MAP3K7: variants seen among roughly 807,000 people sequenced by gnomAD.
MAP3K7 encodes the protein TGF-beta activated kinase 1.
Under a neutral mutation model 84.8 loss-of-function variants are expected in MAP3K7, and 21 were observed. The observed-to-expected ratio is 0.25, with a 90% confidence interval of 0.18 to 0.36. The LOEUF is 0.36. Ranked by LOEUF, MAP3K7 falls within the 10% of genes least tolerant of loss-of-function variation. The pLI, the probability that MAP3K7 is intolerant of heterozygous loss-of-function variation, is 1.00. For missense variants in MAP3K7, 503 were observed against 747.7 expected (o/e 0.67, Z 3.82); for synonymous variants, 241 against 247.7 (o/e 0.97, Z 0.25).
chr6:90,578,022 C>T (rs1777143970), intron 1 of MAP3K7, among the ~76,000 whole-genome samples: 1 of 152,082 alleles, frequency 6.6e-6, no homozygotes, highest in Admixed American at 6.5e-5. Flanking sequence ...AAAGGAAAAT[C>T]CTTATGGGGG....
intron 12 of MAP3K7, among the ~76,000 whole-genome samples, chr6:90,537,637 T>C (rs760217188): frequency 1.1e-4 from 17 of 152,136 alleles, no homozygotes; most frequent in Non-Finnish European, 1.8e-4. Flanking sequence ...TTATCTGAAT[T>C]CACATTTACT....
chr6:90,582,537 T>G (rs1451125415), intron 1 of MAP3K7, among the ~76,000 whole-genome samples: 2 of 152,200 alleles, frequency 1.3e-5, no homozygotes, highest in Admixed American at 6.5e-5. Context: ...TCTAAGGAAG[T>G]GTTAATAACA....
intron 9 of MAP3K7, among the ~76,000 whole-genome samples, chr6:90,548,595 AC>A (rs1776079375): frequency 6.6e-6 from 1 of 152,086 alleles, no homozygotes; most frequent in South Asian, 2.1e-4. Flanking sequence ...AAGATGGAAA[AC>A]ATTATGAGCC....
chr6:90,552,075 C>T lies in MAP3K7; in HGVS notation c.841G>A (p.Val281Met). The T allele has an allele frequency of 1.9e-6, 3 of 1,611,264 alleles. No homozygotes were observed. Among genetic ancestry groups the T allele is most frequent in the South Asian group, 1.1e-5 (1 of 90,808 alleles). The change falls in exon 8 of 17, where the codon GTG becomes ATG. Residue 281 changes from valine (V) to methionine (M), a missense_variant. Coordinates refer to ENST00000369329, the MANE Select transcript of MAP3K7 (RefSeq NM_145331.3). ...CGCATCAAGTGAGTCATTATTTTCACAATTTCCTCCATTGAAGGGCGCTGG... is the reference window on the plus strand; with the variant it reads ...CGCATCAAGTGAGTCATTATTTTCATAATTTCCTCCATTGAAGGGCGCTGG... ...PSQRPSMEEI[V>M]KIMTHLMRYF... is the part of the protein sequence containing the mutation.
chr6:90,523,602 TA>T, intron 14 of MAP3K7, 75 bp downstream of exon 14: 2 of 929,082 alleles, frequency 2.2e-6, no homozygotes, highest in Middle Eastern at 2.2e-4. Flanking sequence ...TTGTAAACAT[TA>T]GAGTAATGAC....
rs1030857727 is a variant in MAP3K7 at position 90,515,472 on chromosome 6, T to C, written c.*1029A>G. 4.6e-5 allele frequency: 7 copies of C among 151,990 alleles called. No individual in the cohort carries two copies. Among genetic ancestry groups the C allele is most frequent in the Non-Finnish European group, 8.8e-5 (6 of 67,900 alleles). The allele number at this position is 151,990 out of a possible 1,614,324, so 9.4% of individuals were successfully genotyped here. On this transcript the variant is annotated 3_prime_UTR_variant, in exon 17 of 17. Transcript: ENST00000369329. The stretch of plus-strand genomic sequence containing the variant: ...AAATCAAATATTCCAATATCCAGGA[T>C]AATTAGGACACTTGTTGAATTTATA...
At chr6:90,581,781 T>C (rs949748135) in intron 1 of MAP3K7, among the ~76,000 whole-genome samples, 2 of 152,220 alleles carry the variant, frequency 1.3e-5, no homozygotes, top group Admixed American at 6.5e-5. Flanking sequence ...CATAATTAAA[T>C]AGTGACTAAC....
Position 90,547,231 on chromosome 6 carries a change from C to T in MAP3K7, c.1210+27G>A. ...CCAAAAAGGCTTATATACATTTTCACTCTTCAGACTTGTAGTTCCTTTTTA... is the reference window on the plus strand; with the variant it reads ...CCAAAAAGGCTTATATACATTTTCATTCTTCAGACTTGTAGTTCCTTTTTA... On this transcript the variant is annotated intron_variant, in intron 11 of 16. Coordinates refer to ENST00000369329, the MANE Select transcript of MAP3K7 (RefSeq NM_145331.3). 3 of 1,612,210 alleles carry T rather than the reference C, an allele frequency of 1.9e-6. No homozygotes were observed. In the South Asian group the frequency reaches 3.3e-5, roughly 18 times the overall value.
chr6:90,526,348 T>C (rs1304261540), intron 13 of MAP3K7, among the ~76,000 whole-genome samples: 2 of 152,186 alleles, frequency 1.3e-5, no homozygotes, highest in Admixed American at 1.3e-4. Context: ...TACTAAGCTA[T>C]AAAGCAAATC....
intron 1 of MAP3K7, among the ~76,000 whole-genome samples, chr6:90,573,230 T>C (rs1486322041): frequency 2.0e-5 from 3 of 152,192 alleles, no homozygotes; most frequent in Admixed American, 6.5e-5. Flanking sequence ...TCCTAATTTG[T>C]AACATATATA....
chr6:90,546,123 G>A (rs970451004), intron 11 of MAP3K7, among the ~76,000 whole-genome samples: 1 of 152,122 alleles, frequency 6.6e-6, no homozygotes, highest in African/African-American at 2.4e-5. Context: ...TAATGCTTAT[G>A]TGTTATAGAC....
intron 1 of MAP3K7, among the ~76,000 whole-genome samples, chr6:90,578,251 A>G (rs1014936357): frequency 2.0e-5 from 3 of 152,168 alleles, no homozygotes; most frequent in African/African-American, 7.2e-5. Flanking sequence ...TACCGGCAGG[A>G]GGACAGGAGT....
chr6:90,538,961 A>C (rs1775764758), intron 12 of MAP3K7, among the ~76,000 whole-genome samples: 1 of 151,910 alleles, frequency 6.6e-6, no homozygotes, highest in Non-Finnish European at 1.5e-5. Context: ...GACTTCTCTT[A>C]ACCTAAATGT....
Position 90,551,887 on chromosome 6 carries a change from G to A in MAP3K7, c.867+162C>T, listed in dbSNP as rs1294407284. 6 of 695,524 alleles carry A rather than the reference G, an allele frequency of 8.6e-6. No homozygotes were observed. The Admixed American group carries it at 1.3e-4, about 15-fold the overall frequency. 43.1% of individuals were successfully genotyped at this position (695,524 alleles called of 1,614,324 possible). On this transcript the variant is annotated intron_variant, in intron 8 of 16. Coordinates refer to ENST00000369329, the MANE Select transcript of MAP3K7 (RefSeq NM_145331.3). ...AGAACTAGATTTTCCCTCTCGAAATGTTTCCTCTTCTGACTATGAGTAATA... is the reference window on the plus strand; with the variant it reads ...AGAACTAGATTTTCCCTCTCGAAATATTTCCTCTTCTGACTATGAGTAATA...
At chr6:90,555,515 A>G (rs1056767182) in intron 6 of MAP3K7, among the ~76,000 whole-genome samples, 5 of 152,146 alleles carry the variant, frequency 3.3e-5, no homozygotes, top group African/African-American at 9.7e-5. Context: ...TCAGCCTCCC[A>G]AAGTGCTGAG....
intron 3 of MAP3K7, among the ~76,000 whole-genome samples, chr6:90,565,874 T>C (rs1199979246): frequency 1.3e-5 from 2 of 152,156 alleles, no homozygotes; most frequent in African/African-American, 2.4e-5. Context: ...CACGATCAAG[T>C]TGGCCTCATC....
chr6:90,549,229 C>T (rs941999098), intron 9 of MAP3K7, among the ~76,000 whole-genome samples: 11 of 151,964 alleles, frequency 7.2e-5, no homozygotes, highest in African/African-American at 2.2e-4. Context: ...AGCTGTCTTC[C>T]GATTACTCCA....
rs74841828 is a variant in MAP3K7, at chr6:90,582,083, C to T, written c.120+4681G>A. Reference sequence around the variant, plus strand: ...ATGGGTCTCCCTTTTCAAAAGCAACCATTGTAAATAGTGTCTTTTTAGCAC... The same window carrying T: ...ATGGGTCTCCCTTTTCAAAAGCAACTATTGTAAATAGTGTCTTTTTAGCAC... On this transcript the variant is annotated intron_variant, in intron 1 of 16. Transcript: ENST00000369329. Among the ~76,000 whole-genome samples the T allele has an allele frequency of 4.7e-3, 712 of 152,272 alleles. 7 individuals carry two copies. The highest frequency in any genetic ancestry group is 0.016 in the African/African-American group (672 of 41,550).
intron 13 of MAP3K7, among the ~76,000 whole-genome samples, chr6:90,525,438 C>T (rs539048115): frequency 2.6e-5 from 4 of 152,164 alleles, no homozygotes; most frequent in Non-Finnish European, 5.9e-5. Flanking sequence ...ACCCTCTTGC[C>T]TCAGTCTCCC....
Sources: gnomAD v4.1 joint callset for allele counts (sites outside exome capture counted in the v4.1 genomes callset) on GRCh38, gnomAD v4.1.1 for gene constraint, MANE v1.5 for transcripts, NCBI Gene and HGNC (gene_info 2026-07-23, HGNC 2026-07-21) for gene names.